MTF1: variants seen among roughly 807,000 people sequenced by gnomAD.
MTF1 encodes MRE-binding transcription factor.
A neutral mutation model predicts 70.4 loss-of-function variants in MTF1; 22 were observed. That is an observed-to-expected ratio of 0.31 (90% CI 0.22 to 0.45). MTF1 has a LOEUF of 0.45. MTF1 is among the 20% of genes least tolerant of loss of function. The pLI is 1.00. For synonymous variants in MTF1, 333 were observed against 352.8 expected (o/e 0.94, Z 0.63); for missense variants, 649 against 922.0 (o/e 0.70, Z 3.83).
chr1:37,823,364 G>T (rs1258058371), intron 8 of MTF1, among the ~76,000 whole-genome samples: 1 of 151,970 alleles, frequency 6.6e-6, no homozygotes, highest in East Asian at 1.9e-4. Context: ...GATCACTCAA[G>T]CCTGGAGGTG....
At chr1:37,852,674 A>G (rs533732678) in intron 2 of MTF1, among the ~76,000 whole-genome samples, 1 of 151,350 alleles carries the variant, frequency 6.6e-6, no homozygotes, top group Non-Finnish European at 1.5e-5. Context: ...TTTGTTGCCC[A>G]GGCTGGAATG....
intron 7 of MTF1, 31 bp downstream of exon 7, chr1:37,832,214 T>A (rs772584383): frequency 8.1e-6 from 12 of 1,475,924 alleles, no homozygotes; most frequent in Non-Finnish European, 1.1e-5. Flanking sequence ...TGCCCTTATT[T>A]TTCTAGCACT....
At chr1:37,832,428 T>G in intron 6 of MTF1, 106 bp from the exon 7 acceptor site, 1 of 699,134 alleles carries the variant, frequency 1.4e-6, no homozygotes, top group Non-Finnish European at 2.5e-6. Flanking sequence ...TCCACATGTC[T>G]ACATGTATTA....
At chr1:37,849,770 C>G (rs1486021229) in intron 2 of MTF1, among the ~76,000 whole-genome samples, 2 of 152,152 alleles carry the variant, frequency 1.3e-5, no homozygotes, top group Non-Finnish European at 2.9e-5. Context: ...GCCTTTAATC[C>G]CAGCAGCTCA....
chr1:37,851,736 A>G (rs1641420800), intron 2 of MTF1, among the ~76,000 whole-genome samples: 1 of 152,188 alleles, frequency 6.6e-6, no homozygotes, highest in Middle Eastern at 3.4e-3. Flanking sequence ...CTGATGGAGG[A>G]TGGCCTAAAG....
In MTF1 at chr1:37,810,654, C is replaced by T. The variant is rs1275779611; in HGVS notation, c.*4482G>A. On this transcript the variant is annotated 3_prime_UTR_variant, in exon 11 of 11. Transcript: ENST00000373036. ...CCACCCCCAAATATTAAGGAACAGA[C>T]AATTTCTGATCTATGTCACAGCAGA... 6.6e-6 allele frequency: 1 copy of T among 152,224 alleles called. No individual in the cohort carries two copies. Among genetic ancestry groups the T allele is most frequent in the Admixed American group, 6.5e-5 (1 of 15,276 alleles). 9.4% of individuals were successfully genotyped at this position (152,224 alleles called of 1,614,324 possible). A position where few individuals can be genotyped will look rare whatever the true frequency, so the allele number is the denominator to read the frequency against.
rs1054032144 is a variant in MTF1 at position 37,840,809 on chromosome 1, C to T, written c.409-651G>A. ...AAGAAAAAAAAAAAAGCTGCTTCTC[C>T]GACAAATATCAAATGGCAGATGACT... On this transcript the variant is annotated intron_variant, in intron 2 of 10. Transcript: ENST00000373036. The surrounding 1 kb of genome is among the most constrained non-coding windows in gnomAD (Gnocchi z 4.5). 6.6e-6 allele frequency among the ~76,000 whole-genome samples: 1 copy of T among 152,062 alleles called. No individual in the cohort carries two copies. Among genetic ancestry groups the T allele is most frequent in the East Asian group, 1.9e-4 (1 of 5,186 alleles).
chr1:37,854,960 G>A (rs1641469142), intron 2 of MTF1, among the ~76,000 whole-genome samples: 3 of 152,202 alleles, frequency 2.0e-5, no homozygotes, highest in African/African-American at 7.2e-5. Context: ...TTGGGAGGCT[G>A]AGGCAGGAGA....
rs377491983 is a variant in MTF1 at position 37,853,690 on chromosome 1, T to A, written c.408+3561A>T. Among the ~76,000 whole-genome samples the A allele has an allele frequency of 3.5e-4, 54 of 152,340 alleles. 1 individual carries two copies. Among genetic ancestry groups the A allele is most frequent in the African/African-American group, 1.3e-3 (54 of 41,576 alleles). On this transcript the variant is annotated intron_variant, in intron 2 of 10. Coordinates refer to ENST00000373036, the MANE Select transcript of MTF1 (RefSeq NM_005955.3). ...TCCTGCTTTTTTCCTAAATTGTATG[T>A]ATTCTTTAAGACCAGCTCAAACGCC...
Position 37,809,722 on chromosome 1 carries a change from C to T in MTF1, c.*5414G>A, listed in dbSNP as rs1262111212. 1.3e-5 allele frequency: 2 copies of T among 152,664 alleles called. No individual in the cohort carries two copies. Among genetic ancestry groups the T allele is most frequent in the East Asian group, 3.8e-4 (2 of 5,198 alleles). The allele number at this position is 152,664 out of a possible 1,614,324, so 9.5% of individuals were successfully genotyped here. On this transcript the variant is annotated 3_prime_UTR_variant, in exon 11 of 11. Coordinates refer to ENST00000373036, the MANE Select transcript of MTF1 (RefSeq NM_005955.3). ...CAATTAAGCAAACACCATTATTTCA[C>T]ATTCTTCAAAAATACAAATTCATAT...
intron 2 of MTF1, among the ~76,000 whole-genome samples, chr1:37,849,675 G>A (rs1443195266): frequency 6.6e-6 from 1 of 152,076 alleles, no homozygotes; most frequent in South Asian, 2.1e-4. Context: ...GACCGTCCTG[G>A]CAGGTTCTAT....
chr1:37,813,990 GTTTCT>G lies in MTF1; in HGVS notation c.*1141_*1145del, dbSNP rs949698761. The G allele has an allele frequency of 1.4e-5, 2 of 145,162 alleles. No homozygotes were observed. The highest frequency in any genetic ancestry group is 2.5e-5 in the African/African-American group (1 of 39,268). 9.0% of individuals were successfully genotyped at this position (145,162 alleles called of 1,614,324 possible). ...CCTGAGTAGAAGATCATCGTTTTGT[GTTTCT>G]TTTTTTTTTTTTTTTAAATAAATCA... On this transcript the variant is annotated 3_prime_UTR_variant, in exon 11 of 11. Coordinates refer to ENST00000373036, the MANE Select transcript of MTF1 (RefSeq NM_005955.3).
rs138397545 is a variant in MTF1, at chr1:37,815,374, G to A, written c.2024C>T (p.Ala675Val). The part of the protein sequence containing the change: ...APDGPSLQLP[A>V]QTFSSAPVPG... ...AACAGGGGCTGAAGAGAAAGTCTGC[G>A]CTGGGAGCTGCAGGCTGGGCCCATC... Residue 675 changes from alanine to valine, a missense_variant, in exon 11 of 11, where the codon GCG (alanine) becomes GTG (valine). Ala to Val is a moderately conservative substitution (Grantham distance 64). Around this residue, in one of 7 missense-constraint regions of MTF1, gnomAD observed 138 missense variants for 134.4 expected, o/e 1.03. Transcript: ENST00000373036. The surrounding 1 kb of genome is among the most constrained non-coding windows in gnomAD (Gnocchi z 4.5). 30 of 1,614,054 alleles carry A rather than the reference G, an allele frequency of 1.9e-5. No homozygotes were observed. The highest frequency in any genetic ancestry group is 3.3e-5 in the Admixed American group (2 of 59,994).
At chr1:37,833,251 A>G (rs532467962) in intron 6 of MTF1, among the ~76,000 whole-genome samples, 13 of 152,316 alleles carry the variant, frequency 8.5e-5, no homozygotes, top group Admixed American at 4.6e-4. Flanking sequence ...TTTAAATATC[A>G]GAAAACTGAT....
intron 2 of MTF1, among the ~76,000 whole-genome samples, chr1:37,853,455 A>G (rs115592083): frequency 2.8e-4 from 42 of 152,308 alleles, no homozygotes; most frequent in African/African-American, 1.0e-3. Context: ...TGTATTGTCT[A>G]TGGCTGCTTT....
At position 37,857,827 on chromosome 1, in the gene MTF1, A is replaced by G. The variant is rs541301715; in HGVS notation, c.-51-118T>C. On this transcript the variant is annotated intron_variant, in intron 1 of 10. Transcript: ENST00000373036. ...AGCAAGCCAAAGCAAATGAAAAACCATCCTTGGGAATAATTTTTTTATTTT... is the reference window on the plus strand; with the variant it reads ...AGCAAGCCAAAGCAAATGAAAAACCGTCCTTGGGAATAATTTTTTTATTTT... 53 of 599,434 alleles carry G rather than the reference A, an allele frequency of 8.8e-5. 1 individual carries two copies. The highest frequency in any genetic ancestry group is 1.7e-4 in the South Asian group (7 of 41,134). The allele number at this position is 599,434 out of a possible 1,614,324, so 37.1% of individuals were successfully genotyped here.
In MTF1 at chr1:37,841,081, G is replaced by A. The variant is rs914684563; in HGVS notation, c.409-923C>T. ...TCTCCCTGCCCATTAAGGAGTCTGA[G>A]ATCATTGACTTTTTGCTGGGGTCAC... On this transcript the variant is annotated intron_variant, in intron 2 of 10. Coordinates refer to ENST00000373036, the MANE Select transcript of MTF1 (RefSeq NM_005955.3). The A allele has an allele frequency of 6.7e-5, 12 of 179,990 alleles. No individual in the cohort carries two copies. In the South Asian group the frequency reaches 1.3e-3, roughly 20 times the overall value. 11.1% of individuals were successfully genotyped at this position (179,990 alleles called of 1,614,324 possible). A position where few individuals can be genotyped will look rare whatever the true frequency, so the allele number is the denominator to read the frequency against.
In MTF1 at chr1:37,823,735, T is replaced by G. The variant is rs1640955799; in HGVS notation, c.1146A>C (p.Ala382=). The G allele has an allele frequency of 6.2e-7, 1 of 1,613,892 alleles. No homozygotes were observed. The highest frequency in any genetic ancestry group is 1.7e-5 in the Admixed American group (1 of 60,000). ...ESMFQNSDDT[A]IQEDPQQTAS... ...CTGTCTGTTGAGGATCTTCCTGAAT[T>G]GCCGTATCATCTGAATTCTGGAACA... Residue 382 remains alanine, a synonymous_variant, in exon 8 of 11, where the codon GCA becomes GCC. Transcript: ENST00000373036.
At chr1:37,844,501 A>G (rs1641305010) in intron 2 of MTF1, among the ~76,000 whole-genome samples, 1 of 152,170 alleles carries the variant, frequency 6.6e-6, no homozygotes, top group Non-Finnish European at 1.5e-5. Flanking sequence ...TCTCATGCAT[A>G]TATTCTGACT....
Sources: allele counts gnomAD v4.1 joint callset (sites outside exome capture counted in the v4.1 genomes callset), GRCh38; gene constraint gnomAD v4.1.1; regional missense constraint gnomAD v4.1.1; non-coding constraint Gnocchi (gnomAD v3.1); transcripts MANE v1.5; gene names NCBI Gene and HGNC (gene_info 2026-07-23, HGNC 2026-07-21).